GC: variants seen among roughly 807,000 people sequenced by gnomAD.
The protein encoded by GC is vitamin D-binding protein.
Under a neutral mutation model 56.7 loss-of-function variants are expected in GC, and 43 were observed. The observed-to-expected ratio is 0.76, with a 90% CI of 0.59 to 0.98. The LOEUF is 0.98. GC is among the 50% of genes least tolerant of loss of function. The pLI is 0.00. For synonymous variants in GC, 216 were observed against 202.7 expected, an observed-to-expected ratio of 1.07 and a Z score of -0.56; for missense variants, 529 against 545.9, an observed-to-expected ratio of 0.97 and a Z score of 0.31.
Position 71,754,461 on chromosome 4 carries a change from T to C in GC, c.1212A>G (p.Gln404=). ...KELSSFIDKG[Q]ELCADYSENT... is the part of the protein sequence containing the mutation. ...TTTCTGAATAATCTGCACATAGTTC[T>C]TGTCCCTTGTCAATGAAAGAAGATA... The change falls in exon 10 of 13, where the codon CAA becomes CAG. Residue 404 remains glutamine (Q), a synonymous_variant. Transcript: ENST00000273951. The C allele has an allele frequency of 6.3e-7, 1 of 1,594,182 alleles. No individual in the cohort carries two copies. Among genetic ancestry groups the C allele is most frequent in the Non-Finnish European group, 8.6e-7 (1 of 1,162,746 alleles).
chr4:71,792,868 T>A (rs1160552817), intron 1 of GC, among the ~76,000 whole-genome samples: 1 of 152,194 alleles, frequency 6.6e-6, no homozygotes, highest in African/African-American at 2.4e-5. Flanking sequence ...CAGTTTCAGC[T>A]TTCTACATAT....
chr4:71,749,697 C>A (rs1741485858), intron 11 of GC, among the ~76,000 whole-genome samples: 1 of 152,106 alleles, frequency 6.6e-6, no homozygotes, highest in African/African-American at 2.4e-5. Context: ...TTATTTTATG[C>A]TAAAAATGTT....
intron 6 of GC, among the ~76,000 whole-genome samples, chr4:71,760,488 A>G (rs1266077519): frequency 1.3e-5 from 2 of 152,174 alleles, no homozygotes; most frequent in Non-Finnish European, 2.9e-5. Context: ...GAGGGAAAAA[A>G]AGTTGGCAAA....
chr4:71,765,108 G>A (rs928695856), intron 4 of GC, among the ~76,000 whole-genome samples: 19 of 152,090 alleles, frequency 1.2e-4, no homozygotes, highest in African/African-American at 2.2e-4. Context: ...TATGACATAC[G>A]CAATGATCCT....
chr4:71,758,262 C>A, intron 6 of GC, 91 bp from the exon 7 acceptor site: 1 of 1,130,326 alleles, frequency 8.8e-7, no homozygotes, highest in Non-Finnish European at 1.3e-6. Flanking sequence ...AATAATATCA[C>A]AATTTCACCT....
At chr4:71,772,951 G>A (rs146637346) in intron 1 of GC, among the ~76,000 whole-genome samples, 180 of 152,056 alleles carry the variant, frequency 1.2e-3, no homozygotes, top group African/African-American at 4.0e-3. Flanking sequence ...TTCAAATACA[G>A]CAAATAAATA....
intron 11 of GC, among the ~76,000 whole-genome samples, chr4:71,750,798 T>A (rs1741526948): frequency 6.6e-6 from 1 of 151,998 alleles, no homozygotes; most frequent in African/African-American, 2.4e-5. Context: ...GGCAGGAGAA[T>A]CACTTGATCC....
At chr4:71,751,339 T>C (rs1424976615) in intron 11 of GC, among the ~76,000 whole-genome samples, 1 of 152,088 alleles carries the variant, frequency 6.6e-6, no homozygotes, top group African/African-American at 2.4e-5. Context: ...TGAGGTCTCC[T>C]CCCCTCTCTC....
intron 1 of GC, chr4:71,803,878 G>C: frequency 9.3e-7 from 1 of 1,080,314 alleles, no homozygotes; most frequent in Non-Finnish European, 1.4e-6. Context: ...CTAAAGCTCA[G>C]AGAGTACCAA....
intron 1 of GC, among the ~76,000 whole-genome samples, chr4:71,783,429 A>G (rs535148836): frequency 6.6e-6 from 1 of 151,906 alleles, no homozygotes; most frequent in East Asian, 1.9e-4. Flanking sequence ...GTTATGTTTC[A>G]TAGCTATAGA....
At chr4:71,803,806 G>A (rs1173504282) in intron 1 of GC, 1 of 681,958 alleles carries the variant, frequency 1.5e-6, no homozygotes. Flanking sequence ...AATTTTATTT[G>A]CTTTGCACAG....
rs1578295825 is a variant in GC at position 71,763,458 on chromosome 4, A to G, written c.651T>C (p.Asn217=). 1.2e-6 allele frequency: 2 copies of G among 1,607,892 alleles called. No homozygotes were observed. Among genetic ancestry groups the G allele is most frequent in the Non-Finnish European group, 1.7e-6 (2 of 1,174,696 alleles). ...KHLSLLTTLS[N]RVCSQYAAYG... Reference sequence around the variant, plus strand: ...AAGCAGCATATTGTGAGCAGACTCTATTTGACAGAGTGGTGAGAAGTGATA... The same window carrying G: ...AAGCAGCATATTGTGAGCAGACTCTGTTTGACAGAGTGGTGAGAAGTGATA... Residue 217 remains asparagine (N), a synonymous_variant, in exon 6 of 13, where the codon AAT becomes AAC. Transcript: ENST00000273951.
In GC at chr4:71,768,472, A is replaced by C. The variant is rs1003164702; in HGVS notation, c.129-39T>G. The C allele has an allele frequency of 3.8e-6, 6 of 1,574,884 alleles. No homozygotes were observed. The African/African-American group carries it at 6.8e-5, about 18-fold the overall frequency. On this transcript the variant is annotated intron_variant, in intron 2 of 12. Coordinates refer to ENST00000273951, the MANE Select transcript of GC (RefSeq NM_000583.4). The stretch of plus-strand genomic sequence containing the variant: ...AAGACAATATATCAATTAGAACTGA[A>C]AGGTTTTTTTTTTTGAGACGGAGTC...
Position 71,762,468 on chromosome 4 carries a change from A to G in GC, c.701+940T>C, listed in dbSNP as rs535416777. ...ACTGTGGACTTTTGAGTTAATGCTGAAGTGAGTTAAGACTTTGGGGGACTG... is the reference window on the plus strand; with the variant it reads ...ACTGTGGACTTTTGAGTTAATGCTGGAGTGAGTTAAGACTTTGGGGGACTG... On this transcript the variant is annotated intron_variant, in intron 6 of 12. Coordinates refer to ENST00000273951, the MANE Select transcript of GC (RefSeq NM_000583.4). Among the ~76,000 whole-genome samples the G allele has an allele frequency of 5.3e-5, 8 of 152,278 alleles. No homozygotes were observed. In the East Asian group the frequency reaches 1.5e-3, roughly 29 times the overall value.
At chr4:71,777,760 G>C (rs1453025259) in intron 1 of GC, among the ~76,000 whole-genome samples, 2 of 150,092 alleles carry the variant, frequency 1.3e-5, no homozygotes, top group Non-Finnish European at 3.0e-5. Flanking sequence ...TCTTGCTATT[G>C]TATTTTTTAA....
rs112500629 is a variant in GC, at chr4:71,801,077, C to CAT, written c.21+2847_21+2848dup. Among the ~76,000 whole-genome samples, 26 of 152,218 alleles carry CAT rather than the reference C, an allele frequency of 1.7e-4. 2 individuals are homozygous for CAT. The highest frequency in any genetic ancestry group is 6.3e-4 in the African/African-American group (26 of 41,534). On this transcript the variant is annotated intron_variant, in intron 1 of 13. Coordinates refer to the GC transcript ENST00000504199. ...GGATTGAGAGAAAATATTTGCAAGT[C>CAT]ATATATGATAAGCGCCTCATATCCA... is the stretch of plus-strand genomic sequence containing the variant.
intron 3 of GC, among the ~76,000 whole-genome samples, chr4:71,767,340 A>C (rs1050982803): frequency 5.3e-5 from 8 of 152,112 alleles, no homozygotes; most frequent in African/African-American, 1.9e-4. Context: ...TAAATTGCTG[A>C]AACTCCTTAG....
intron 11 of GC, among the ~76,000 whole-genome samples, chr4:71,747,467 G>C (rs531761380): frequency 6.6e-4 from 100 of 152,276 alleles, no homozygotes; most frequent in Non-Finnish European, 1.3e-3. Flanking sequence ...AAGACAAAAA[G>C]TAGAAAATAA....
In GC at chr4:71,768,358, G is replaced by C; in HGVS notation, c.204C>G (p.Val68=). 6.2e-7 allele frequency: 1 copy of C among 1,613,446 alleles called. No individual in the cohort carries two copies. The highest frequency in any genetic ancestry group is 2.2e-5 in the East Asian group (1 of 44,820). The change falls in exon 3 of 13, where the codon GTC becomes GTG. Residue 68 remains valine (V), a synonymous_variant. Coordinates refer to ENST00000273951, the MANE Select transcript of GC (RefSeq NM_000583.4). ...CCGCACAGCAGGCTTCGGTCAAGGA[G>C]ACAACTTCCTTCACAAGTTGGCTGA... ...EQVSQLVKEV[V]SLTEACCAEG...
Sources: allele counts gnomAD v4.1 joint callset (sites outside exome capture counted in the v4.1 genomes callset), GRCh38; gene constraint gnomAD v4.1.1; transcripts MANE v1.5; gene names NCBI Gene and HGNC (gene_info 2026-07-23, HGNC 2026-07-21).